Variants in RSPH14 observed in about 807,000 individuals in gnomAD.
RSPH14 encodes the protein radial spoke head 14 homolog.
Under a neutral mutation model 26.7 loss-of-function variants are expected in RSPH14, and 20 were observed. The ratio of observed to expected loss-of-function variants is 0.75; its 90% confidence interval spans 0.53 to 1.09. The LOEUF (loss-of-function observed/expected upper bound fraction) is 1.09, where lower values mean the gene tolerates loss of function less well. Among genes scored for constraint, RSPH14 ranks in the 50% least tolerant of loss-of-function variants. The pLI is 0.00. For synonymous variants in RSPH14, 177 were observed against 189.3 expected, an observed-to-expected ratio of 0.93 and a Z score of 0.53; for missense variants, 449 against 457.2, an observed-to-expected ratio of 0.98 and a Z score of 0.16.
chr22:23,135,249 G>A (rs896607096), intron 3 of RSPH14, among the ~76,000 whole-genome samples: 5 of 150,994 alleles, frequency 3.3e-5, no homozygotes, highest in African/African-American at 9.8e-5. Context: ...CAAGGTGGGC[G>A]GATCACTAGG....
At chr22:23,180,020 G>A in the RSPH14 span, 4 of 365,586 alleles carry the variant, frequency 1.1e-5, no homozygotes, top group Non-Finnish European at 2.0e-5. Flanking sequence ...GGGCAGTGCC[G>A]GTGACGCTTA....
At chr22:23,174,520 C>A in the RSPH14 span, among the ~76,000 whole-genome samples, 1 of 152,114 alleles carries the variant, frequency 6.6e-6, no homozygotes, top group African/African-American at 2.4e-5. Context: ...ATTTTAGTTT[C>A]GAGATTTAAA....
intron 4 of RSPH14, among the ~76,000 whole-genome samples, chr22:23,108,397 T>G (rs1157667151): frequency 6.6e-6 from 1 of 152,256 alleles, no homozygotes; most frequent in East Asian, 1.9e-4. Context: ...GTCTGATAGC[T>G]GACCAGCTAC....
rs2068151713 is a variant in RSPH14 at position 23,064,142 on chromosome 22, C to G, written c.422-9G>C. The G allele has an allele frequency of 6.2e-7, 1 of 1,613,626 alleles. No individual in the cohort carries two copies. On this transcript the variant is annotated splice_polypyrimidine_tract_variant and intron_variant, in intron 4 of 6. Transcript: ENST00000216036. ...GATGATCTCTTGGGCCCCTACAAGGCAGGAAAGGGCACTGAGGGCGGGCTG... is the reference window on the plus strand; with the variant it reads ...GATGATCTCTTGGGCCCCTACAAGGGAGGAAAGGGCACTGAGGGCGGGCTG...
the RSPH14 span, among the ~76,000 whole-genome samples, chr22:23,173,205 G>A: frequency 2.2e-4 from 34 of 151,778 alleles, no homozygotes; most frequent in Middle Eastern, 3.4e-3. Context: ...CGCGATCTCC[G>A]CTCACTGCAA....
At chr22:23,153,203 C>A in the RSPH14 span, 2 of 1,178,012 alleles carry the variant, frequency 1.7e-6, no homozygotes, top group Non-Finnish European at 2.5e-6. Context: ...ATTTGGGGAG[C>A]TCCTTCACTG....
At chr22:23,096,602 G>A (rs891710722) in intron 4 of RSPH14, among the ~76,000 whole-genome samples, 7 of 152,214 alleles carry the variant, frequency 4.6e-5, no homozygotes, top group African/African-American at 1.4e-4. Flanking sequence ...GGTGTGGAGT[G>A]CAGGTGTCAT....
chr22:23,087,097 G>A (rs958860325), intron 4 of RSPH14, among the ~76,000 whole-genome samples: 16 of 152,326 alleles, frequency 1.1e-4, no homozygotes, highest in South Asian at 2.1e-4. Flanking sequence ...CCAGACCTTC[G>A]GTTTCTAAAA....
chr22:23,140,616 G>T, intron 1 of RSPH14, 144 bp from the exon 2 acceptor site: 1 of 1,031,124 alleles, frequency 9.7e-7, no homozygotes, highest in Non-Finnish European at 1.4e-6. Flanking sequence ...GAGCAATGAA[G>T]AGATTTGCTC....
intron 4 of RSPH14, among the ~76,000 whole-genome samples, chr22:23,088,402 C>T (rs530917979): frequency 1.1e-4 from 16 of 152,192 alleles, no homozygotes; most frequent in African/African-American, 1.7e-4. Flanking sequence ...TGTCACTGCG[C>T]GGGCCTCCTC....
intron 4 of RSPH14, among the ~76,000 whole-genome samples, chr22:23,081,437 G>A (rs1255329177): frequency 6.6e-6 from 1 of 152,138 alleles, no homozygotes; most frequent in African/African-American, 2.4e-5. Flanking sequence ...TCACTTTTCA[G>A]TAGATCAGCC....
intron 4 of RSPH14, among the ~76,000 whole-genome samples, chr22:23,107,948 G>A (rs2069531585): frequency 1.3e-5 from 2 of 152,178 alleles, no homozygotes; most frequent in South Asian, 4.1e-4. Context: ...CTGCGGGGGA[G>A]GAAGGCCCAG....
At chr22:23,180,723 A>C in the RSPH14 span, 1 of 149,074 alleles carries the variant, frequency 6.7e-6, no homozygotes, top group South Asian at 1.8e-4. Flanking sequence ...GGAGCCCCGC[A>C]CACAATAGCG....
chr22:23,130,101 A>G (rs1326495732), intron 4 of RSPH14, among the ~76,000 whole-genome samples: 1 of 77,172 alleles, frequency 1.3e-5, no homozygotes, highest in African/African-American at 4.5e-5. Flanking sequence ...GAAAGAAAGA[A>G]AGAAAGAAAG....
chr22:23,171,851 A>C, the RSPH14 span, among the ~76,000 whole-genome samples: 3 of 130,498 alleles, frequency 2.3e-5, no homozygotes, highest in South Asian at 4.8e-4. Flanking sequence ...TCAAAAAAAA[A>C]AAACAAAAAA....
intron 4 of RSPH14, among the ~76,000 whole-genome samples, chr22:23,125,667 G>A (rs1041424486): frequency 2.0e-5 from 3 of 152,248 alleles, no homozygotes; most frequent in African/African-American, 7.2e-5. Context: ...CAGGTTGCCA[G>A]AGGTGCCCAT....
intron 4 of RSPH14, among the ~76,000 whole-genome samples, chr22:23,111,314 G>C (rs1453057967): frequency 2.6e-5 from 4 of 152,118 alleles, no homozygotes; most frequent in African/African-American, 4.8e-5. Flanking sequence ...GTACCGAGCA[G>C]GGGGTGCGGC....
chr22:23,121,503 T>C (rs1452378513), intron 4 of RSPH14, among the ~76,000 whole-genome samples: 3 of 152,294 alleles, frequency 2.0e-5, no homozygotes, highest in East Asian at 3.9e-4. Context: ...TTGGAGCACA[T>C]ATCCTGCCTC....
intron 4 of RSPH14, among the ~76,000 whole-genome samples, chr22:23,070,079 G>A (rs567680476): frequency 5.9e-5 from 9 of 152,290 alleles, no homozygotes; most frequent in African/African-American, 2.2e-4. Flanking sequence ...GGAGTCGGTG[G>A]AACGCCGGCG....
Sources: allele counts gnomAD v4.1 joint callset (sites outside exome capture counted in the v4.1 genomes callset), GRCh38; gene constraint gnomAD v4.1.1; transcripts MANE v1.5; gene names NCBI Gene and HGNC (gene_info 2026-07-23, HGNC 2026-07-21).